TRPC5: variants seen among roughly 807,000 people sequenced by gnomAD.
TRPC5 encodes the protein transient receptor potential cation channel subfamily C member 5, also known as short transient receptor potential channel 5.
Under a neutral mutation model 56.5 loss-of-function variants are expected in TRPC5, and 9 were observed. The observed-to-expected ratio is 0.16, with a 90% CI of 0.10 to 0.28. TRPC5 has a LOEUF of 0.28. Among genes scored for constraint, TRPC5 ranks in the 10% least tolerant of loss-of-function variants. The pLI, the probability that TRPC5 is intolerant of heterozygous loss-of-function variation, is 1.00. For synonymous variants in TRPC5, 282 were observed against 278.5 expected, an observed-to-expected ratio of 1.01 and a Z score of -0.13; for missense variants, 469 against 748.9, an observed-to-expected ratio of 0.63 and a Z score of 4.36.
At chrX:111,997,853 G>C (rs1176753772) in intron 1 of TRPC5, among the ~76,000 whole-genome samples, 1 of 110,350 alleles carries the variant, frequency 9.1e-6, no homozygotes, top group Non-Finnish European at 1.9e-5. Context: ...GGTCATTTAA[G>C]GTCTTCTCTA....
Position 112,025,526 on chromosome X carries a change from C to A in TRPC5, c.-22+56353G>T, listed in dbSNP as rs767226273. On this transcript the variant is annotated intron_variant, in intron 1 of 10. Transcript: ENST00000262839. The stretch of plus-strand genomic sequence containing the variant: ...CTGCCTTGGCATTCATTTTTTTTGG[C>A]CTGACATAAGTTATTGGTAACCTAG... Among the ~76,000 whole-genome samples, 8 of 111,397 alleles carry A rather than the reference C, an allele frequency of 7.2e-5. 1 individual carries two copies. The South Asian group carries it at 1.9e-3, about 27-fold the overall frequency.
At chrX:111,965,146 A>G (rs60805138) in intron 1 of TRPC5, among the ~76,000 whole-genome samples, 4 of 106,064 alleles carry the variant, frequency 3.8e-5, no homozygotes, top group South Asian at 3.9e-4. Flanking sequence ...CAAGCAAATG[A>G]AAAACAAAAA....
At chrX:111,784,996 G>A (rs964506886) in intron 7 of TRPC5, among the ~76,000 whole-genome samples, 10 of 112,446 alleles carry the variant, frequency 8.9e-5, no homozygotes, top group East Asian at 8.5e-4. Context: ...GGGCATAACC[G>A]AACAAAAGGC....
At chrX:111,855,690 A>G (rs1422295482) in intron 3 of TRPC5, among the ~76,000 whole-genome samples, 1 of 112,218 alleles carries the variant, frequency 8.9e-6, no homozygotes, top group African/African-American at 3.2e-5. Flanking sequence ...CCTTCCACGC[A>G]TTCATACACA....
At chrX:111,986,420 A>G (rs112983154) in intron 1 of TRPC5, among the ~76,000 whole-genome samples, 5 of 110,383 alleles carry the variant, frequency 4.5e-5, no homozygotes, top group African/African-American at 1.6e-4. Context: ...GGAGTATAGT[A>G]TACCTCCTCA....
intron 7 of TRPC5, among the ~76,000 whole-genome samples, chrX:111,807,956 C>CTCTGTGTGTGTGTGTGTGTG (rs905386723): frequency 5.4e-5 from 5 of 91,927 alleles, no homozygotes; most frequent in African/African-American, 2.5e-4. Flanking sequence ...CTCTCTCTCT[C>CTCTGTGTGTGTGTGTGTGTG]TGTGTGTGTG....
intron 3 of TRPC5, among the ~76,000 whole-genome samples, chrX:111,911,385 A>G (rs1023542349): frequency 8.9e-6 from 1 of 112,661 alleles, no homozygotes; most frequent in African/African-American, 3.2e-5. Flanking sequence ...TCTATTTTAT[A>G]AATGAGAAAA....
At position 111,807,607 on chromosome X, in the gene TRPC5, G is replaced by A. The variant is rs182703758; in HGVS notation, c.1897-25469C>T. On this transcript the variant is annotated intron_variant, in intron 7 of 10. Transcript: ENST00000262839. ...GTTCATTTGGTGAAGTCTTGTTTTCGTGGATGCTCTTGATGCTGGTCCATA... is the reference window on the plus strand; with the variant it reads ...GTTCATTTGGTGAAGTCTTGTTTTCATGGATGCTCTTGATGCTGGTCCATA... Among the ~76,000 whole-genome samples the A allele has an allele frequency of 6.2e-5, 7 of 112,194 alleles. No homozygotes were observed. In the East Asian group the frequency reaches 2.0e-3, roughly 32 times the overall value.
At chrX:112,046,195 C>CT (rs369946250) in intron 1 of TRPC5, among the ~76,000 whole-genome samples, 2,508 of 88,591 alleles carry the variant, frequency 0.028, 37 homozygotes, top group Non-Finnish European at 0.037. Flanking sequence ...CCACCCCCAC[C>CT]TTTTTTTTTT....
chrX:111,999,346 C>T (rs1362310925), intron 1 of TRPC5, among the ~76,000 whole-genome samples: 1 of 111,569 alleles, frequency 9.0e-6, no homozygotes, highest in East Asian at 2.8e-4. Context: ...TTTACTCCCA[C>T]GTATGAGTGA....
At position 111,835,048 on chromosome X, in the gene TRPC5, A is replaced by T; in HGVS notation, c.1769T>A (p.Val590Glu). The change falls in exon 7 of 11, where the codon GTG (valine) becomes GAG (glutamate). Residue 590 changes from valine (V) to glutamate (E), a missense_variant. Around this residue, in one of 3 missense-constraint regions of TRPC5, gnomAD observed 157 missense variants for 360.0 expected, o/e 0.44. Coordinates refer to ENST00000262839, the MANE Select transcript of TRPC5 (RefSeq NM_012471.3). ...FGLLNLYVTN[V>E]KARHEFTEFV... ...CTCGGTGAATTCGTGTCTGGCTTTC[A>T]CATTGGTGACATATAGATTTAAAAG... 8.3e-7 allele frequency: 1 copy of T among 1,211,733 alleles called. No homozygotes were observed. Among genetic ancestry groups the T allele is most frequent in the Non-Finnish European group, 1.1e-6 (1 of 895,321 alleles).
chrX:112,070,502 T>C (rs952970876), intron 1 of TRPC5, among the ~76,000 whole-genome samples: 16 of 111,374 alleles, frequency 1.4e-4, no homozygotes, highest in African/African-American at 4.9e-4. Context: ...TCCAACCTTA[T>C]AGAGGAAAGA....
chrX:111,981,169 A>G (rs1310273151), intron 1 of TRPC5, among the ~76,000 whole-genome samples: 1 of 109,794 alleles, frequency 9.1e-6, no homozygotes, highest in Non-Finnish European at 1.9e-5. Flanking sequence ...TCTGATTCCA[A>G]AAGCCTGAGA....
At chrX:112,008,385 A>G in intron 1 of TRPC5, among the ~76,000 whole-genome samples, 1 of 111,159 alleles carries the variant, frequency 9.0e-6, no homozygotes, top group South Asian at 3.9e-4. Flanking sequence ...AGGTCAGGAG[A>G]TCGAGACCAT....
At chrX:111,995,049 C>A (rs1006041997) in intron 1 of TRPC5, among the ~76,000 whole-genome samples, 1 of 111,932 alleles carries the variant, frequency 8.9e-6, no homozygotes, top group Admixed American at 9.5e-5. Context: ...TGCCAGTTTT[C>A]AAAGGGAATA....
intron 4 of TRPC5, among the ~76,000 whole-genome samples, chrX:111,852,649 CAT>C (rs1472025590): frequency 9.0e-6 from 1 of 111,705 alleles, no homozygotes; most frequent in Non-Finnish European, 1.9e-5. Context: ...TGAAAATGCC[CAT>C]ATGTTATACT....
At chrX:111,832,842 T>C (rs1440565679) in intron 7 of TRPC5, among the ~76,000 whole-genome samples, 1 of 110,889 alleles carries the variant, frequency 9.0e-6, no homozygotes, top group Non-Finnish European at 1.9e-5. Context: ...AGTTGATTAT[T>C]TTCGCCCTTC....
chrX:112,005,875 C>A (rs780593684), intron 1 of TRPC5, among the ~76,000 whole-genome samples: 4 of 111,935 alleles, frequency 3.6e-5, no homozygotes, highest in Non-Finnish European at 7.5e-5. Context: ...CTGTTTCATG[C>A]AGATGCCTGG....
chrX:111,912,805 G>T lies in TRPC5; in HGVS notation c.386C>A (p.Thr129Asn), dbSNP rs747641543. Reference sequence around the variant, plus strand: ...AGAGAACTGCGTGTCCATCATCAGAGTGGGGACCTAGGTACAAGAAATGAG... The same window carrying T: ...AGAGAACTGCGTGTCCATCATCAGATTGGGGACCTAGGTACAAGAAATGAG... ...RRPSGEKQVP[T>N]LMMDTQFSEF... The change falls in exon 3 of 11, where the codon ACT becomes AAT. Residue 129 changes from threonine to asparagine, a missense_variant. By Grantham distance (65) the Thr-to-Asn change is moderately conservative. Coordinates refer to ENST00000262839, the MANE Select transcript of TRPC5 (RefSeq NM_012471.3). 1.7e-5 allele frequency: 20 copies of T among 1,194,503 alleles called. No individual in the cohort carries two copies. The highest frequency in any genetic ancestry group is 2.2e-5 in the Non-Finnish European group (20 of 892,259).
Sources: gnomAD v4.1 joint callset for allele counts (sites outside exome capture counted in the v4.1 genomes callset) on GRCh38, gnomAD v4.1.1 for gene constraint, gnomAD v4.1.1 regional missense constraint, MANE v1.5 for transcripts, NCBI Gene and HGNC (gene_info 2026-07-23, HGNC 2026-07-21) for gene names.